The following PLCH2 variants were observed in gnomAD, a reference collection of about 807,000 sequenced individuals.
PLCH2 encodes the protein 1-phosphatidylinositol 4,5-bisphosphate phosphodiesterase eta-2.
A neutral mutation model predicts 134.7 loss-of-function variants in PLCH2; 98 were observed. The observed-to-expected ratio is 0.73, with a 90% CI of 0.62 to 0.86. The LOEUF is 0.86. Ranked by LOEUF, PLCH2 falls within the 40% of genes least tolerant of loss-of-function variation. PLCH2 has a pLI of 0.00. For missense variants in PLCH2, 1,994 were observed against 1,986.6 expected (o/e 1.00, Z -0.07); for synonymous variants, 974 against 827.5 (o/e 1.18, Z -3.04).
intron 4 of PLCH2, among the ~76,000 whole-genome samples, chr1:2,483,017 G>A (rs866687406): frequency 2.0e-5 from 3 of 152,202 alleles, no homozygotes; most frequent in Admixed American, 6.5e-5. Flanking sequence ...CTGAGAGCAC[G>A]CCGTCCTCAG....
rs567651821 is a variant in PLCH2 at position 2,498,258 on chromosome 1, C to G, written c.2225-265C>G. 31 of 478,122 alleles carry G rather than the reference C, an allele frequency of 6.5e-5. No individual in the cohort carries two copies. Among genetic ancestry groups the G allele is most frequent in the Non-Finnish European group, 9.3e-5 (25 of 267,816 alleles). The allele number at this position is 478,122 out of a possible 1,614,324, so 29.6% of individuals were successfully genotyped here. On this transcript the variant is annotated intron_variant, in intron 16 of 21. Coordinates refer to ENST00000378486, the MANE Select transcript of PLCH2 (RefSeq NM_014638.4). This position sits in a 1 kb window ranked among gnomAD's most constrained non-coding sequence, Gnocchi z 5.4. ...TCATACCCCCAGGGACCCAGACCCA[C>G]CCCCAGAAGCCATGTGACCTCCTCG...
At chr1:2,446,503 G>A (rs1035188957) in intron 2 of PLCH2, among the ~76,000 whole-genome samples, 8 of 152,214 alleles carry the variant, frequency 5.3e-5, no homozygotes, top group East Asian at 1.9e-4. Flanking sequence ...GTCCCAGGAG[G>A]CGGGGCAGCT....
chr1:2,425,582 T>C (rs946969168), upstream of PLCH2, among the ~76,000 whole-genome samples: 8 of 152,170 alleles, frequency 5.3e-5, no homozygotes, highest in Non-Finnish European at 4.4e-5. Context: ...GGCATGATCT[T>C]GGCTGACTGC....
intron 2 of PLCH2, among the ~76,000 whole-genome samples, chr1:2,434,721 A>G (rs1639242449): frequency 6.6e-6 from 1 of 152,154 alleles, no homozygotes; most frequent in Non-Finnish European, 1.5e-5. Flanking sequence ...GCCGCACTAA[A>G]AGTGGGGAGA....
At chr1:2,469,704 T>G (rs1285916345) in intron 1 of PLCH2, among the ~76,000 whole-genome samples, 1 of 152,068 alleles carries the variant, frequency 6.6e-6, no homozygotes, top group Non-Finnish European at 1.5e-5. Context: ...CTTCCCGGGA[T>G]TTTGCTCCCA....
At chr1:2,425,874 T>C (rs552098491), upstream of PLCH2, 28 of 152,312 alleles carry the variant, frequency 1.8e-4, no homozygotes, top group Admixed American at 1.8e-3. Context: ...AGCACCACAG[T>C]GTCTCAGCTG....
rs191746389 is a variant in PLCH2 at position 2,454,338 on chromosome 1, T to C, written c.115+23709T>C. Among the ~76,000 whole-genome samples, 222 of 152,260 alleles carry C rather than the reference T, an allele frequency of 1.5e-3. 1 individual carries two copies. Among genetic ancestry groups the C allele is most frequent in the African/African-American group, 5.2e-3 (216 of 41,556 alleles). On this transcript the variant is annotated intron_variant, in intron 2 of 3. Coordinates refer to the PLCH2 transcript ENST00000609981. ...CCCAGGCAGCCCCGAGACAGGGTCT[T>C]AGGGCTGCCTCTGCAGGACCCTTGG...
Position 2,491,281 on chromosome 1 carries a change from C to T in PLCH2, c.1605C>T (p.Asp535=), listed in dbSNP as rs778643314. 3.8e-5 allele frequency: 62 copies of T among 1,613,186 alleles called. No individual in the cohort carries two copies. The African/African-American group carries it at 7.1e-4, about 18-fold the overall frequency. ...IKESKIRDCE[D]PNNFSVSTLS... ...AGTCGAAGATTCGGGACTGTGAGGA[C>T]CCCAACAACTTCTCCGTCTCCACAC... is the stretch of plus-strand genomic sequence containing the variant. The change falls in exon 11 of 22, where the codon GAC becomes GAT. Residue 535 remains aspartate, a synonymous_variant. Transcript: ENST00000378486.
chr1:2,494,646 GC>G lies in PLCH2; in HGVS notation c.1660-208del, dbSNP rs1642776402. ...TTCAGGCCGCTTCTCCTCGGCAGCT[GC>G]CTCTGCCCCAGGGTGGACTGGGAAC... On this transcript the variant is annotated intron_variant, in intron 11 of 21. Coordinates refer to ENST00000378486, the MANE Select transcript of PLCH2 (RefSeq NM_014638.4). Among the ~76,000 whole-genome samples, 6 of 152,316 alleles carry G rather than the reference GC, an allele frequency of 3.9e-5. No individual in the cohort carries two copies. The South Asian group carries it at 1.2e-3, about 32-fold the overall frequency.
chr1:2,437,750 CACAT>C (rs1389210456), intron 2 of PLCH2, among the ~76,000 whole-genome samples: 1 of 152,236 alleles, frequency 6.6e-6, no homozygotes, highest in Non-Finnish European at 1.5e-5. Flanking sequence ...GCATACCACA[CACAT>C]ACGTGCACAC....
intron 2 of PLCH2, among the ~76,000 whole-genome samples, chr1:2,435,634 C>T (rs1557941662): frequency 6.6e-6 from 1 of 152,036 alleles, no homozygotes; most frequent in Non-Finnish European, 1.5e-5. Flanking sequence ...TGCAGCGTGA[C>T]ACGGCTCTCA....
chr1:2,502,057 G>A, intron 20 of PLCH2, 55 bp from the exon 21 acceptor site: 1 of 1,389,794 alleles, frequency 7.2e-7, no homozygotes, highest in Non-Finnish European at 9.4e-7. Context: ...TGGGGGAGCA[G>A]CTGCAGCTGG....
chr1:2,429,666 G>T (rs1253269952), intron 1 of PLCH2, among the ~76,000 whole-genome samples: 1 of 152,180 alleles, frequency 6.6e-6, no homozygotes, highest in Non-Finnish European at 1.5e-5. Context: ...GACCAAAGGG[G>T]CCTTGATTCA....
upstream of PLCH2, among the ~76,000 whole-genome samples, chr1:2,473,420 G>A (rs1641439647): frequency 6.6e-6 from 1 of 152,230 alleles, no homozygotes; most frequent in African/African-American, 2.4e-5. Context: ...TCCCCAACTG[G>A]GGTGCAGCCC....
chr1:2,421,176 A>G (rs995937585), upstream of PLCH2, among the ~76,000 whole-genome samples: 1 of 152,088 alleles, frequency 6.6e-6, no homozygotes, highest in African/African-American at 2.4e-5. Context: ...AACTCCTGAC[A>G]TCAGATGATC....
intron 2 of PLCH2, among the ~76,000 whole-genome samples, chr1:2,455,889 C>T (rs1640467121): frequency 6.6e-6 from 1 of 152,206 alleles, no homozygotes; most frequent in African/African-American, 2.4e-5. Flanking sequence ...GGTGAGCATC[C>T]CGCGGGCGGG....
chr1:2,475,506 A>G (rs577569923), upstream of PLCH2, among the ~76,000 whole-genome samples: 3 of 152,260 alleles, frequency 2.0e-5, no homozygotes, highest in South Asian at 4.1e-4. Context: ...GCTGTCCTGT[A>G]GTGCGGGGCC....
rs768829357 is a variant in PLCH2, at chr1:2,496,896, G to A, written c.2002G>A (p.Ala668Thr). ...KAHQILQQKPAQYLRFNQQQL... is the reference protein window; with the variant it reads ...KAHQILQQKPTQYLRFNQQQL... Reference sequence around the variant, plus strand: ...CCACCAGATTCTGCAGCAGAAGCCGGCGCAGTACCTACGCTTCAACCAGCA... The same window carrying A: ...CCACCAGATTCTGCAGCAGAAGCCGACGCAGTACCTACGCTTCAACCAGCA... Residue 668 changes from alanine to threonine, a missense_variant, in exon 15 of 22, where the codon GCG becomes ACG. Physicochemically the swap from Ala to Thr is moderately conservative, Grantham distance 58. Coordinates refer to ENST00000378486, the MANE Select transcript of PLCH2 (RefSeq NM_014638.4). The A allele has an allele frequency of 1.9e-6, 3 of 1,613,030 alleles. No homozygotes were observed. The highest frequency in any genetic ancestry group is 1.7e-6 in the Non-Finnish European group (2 of 1,179,844).
intron 4 of PLCH2, among the ~76,000 whole-genome samples, chr1:2,483,761 GTT>G (rs1642103783): frequency 9.1e-6 from 1 of 109,772 alleles, no homozygotes; most frequent in Non-Finnish European, 2.0e-5. Flanking sequence ...GTTGACCCCC[GTT>G]TGGGGGGGCG....
Sources: allele counts gnomAD v4.1 joint callset (sites outside exome capture counted in the v4.1 genomes callset), GRCh38; gene constraint gnomAD v4.1.1; non-coding constraint Gnocchi (gnomAD v3.1); transcripts MANE v1.5; gene names NCBI Gene and HGNC (gene_info 2026-07-23, HGNC 2026-07-21).